The following RBFOX1 variants were observed in gnomAD, a reference collection of about 807,000 sequenced individuals.
RBFOX1 encodes the protein RNA binding protein fox-1 homolog 1.
RBFOX1 carries 8 observed loss-of-function variants against 57.7 expected under a neutral mutation model. That is an observed-to-expected ratio of 0.14 (90% CI 0.08 to 0.25). The LOEUF is 0.25. Ranked by LOEUF, RBFOX1 falls within the 10% of genes least tolerant of loss-of-function variation. The probability of loss-of-function intolerance (pLI) is 1.00; values close to 1 mark genes in which losing one functional copy is unlikely to be tolerated. For synonymous variants in RBFOX1, 326 were observed against 222.4 expected (o/e 1.47, Z -4.15); for missense variants, 611 against 548.5 (o/e 1.11, Z -1.14).
intron 3 of RBFOX1, among the ~76,000 whole-genome samples, chr16:6,884,870 C>G (rs552266921): frequency 1.3e-5 from 2 of 152,222 alleles, no homozygotes; most frequent in South Asian, 2.1e-4. Context: ...TGCACTCCAG[C>G]CTGCATGGCA....
chr16:6,430,774 A>G (rs565720282), intron 2 of RBFOX1, among the ~76,000 whole-genome samples: 1 of 152,114 alleles, frequency 6.6e-6, no homozygotes, highest in East Asian at 1.9e-4. Flanking sequence ...TAGAAAGGCC[A>G]CTCTGGCTGC....
At chr16:5,453,905 G>T (rs1425987695) in intron 1 of RBFOX1, among the ~76,000 whole-genome samples, 1 of 152,202 alleles carries the variant, frequency 6.6e-6, no homozygotes, top group East Asian at 1.9e-4. Context: ...TTTTGTTGGG[G>T]TGGTTGGTGA....
chr16:7,649,179 A>C (rs1276006086), intron 11 of RBFOX1, among the ~76,000 whole-genome samples: 1 of 152,192 alleles, frequency 6.6e-6, no homozygotes, highest in African/African-American at 2.4e-5. Flanking sequence ...GAGGAGGAGC[A>C]TGTCCACCCC....
chr16:7,284,479 C>A (rs892639797), intron 4 of RBFOX1, among the ~76,000 whole-genome samples: 1 of 151,854 alleles, frequency 6.6e-6, no homozygotes, highest in African/African-American at 2.4e-5. Flanking sequence ...CACAGGCACT[C>A]ACCACCACGC....
intron 4 of RBFOX1, among the ~76,000 whole-genome samples, chr16:7,072,656 A>G (rs1249500957): frequency 6.6e-6 from 1 of 152,232 alleles, no homozygotes; most frequent in East Asian, 1.9e-4. Context: ...ATTTCAGAGG[A>G]TCTTCTGTTT....
chr16:6,998,687 T>C (rs1016811855), intron 3 of RBFOX1, among the ~76,000 whole-genome samples: 2 of 152,202 alleles, frequency 1.3e-5, no homozygotes, highest in Non-Finnish European at 2.9e-5. Flanking sequence ...ATTCCAAGAA[T>C]GAAGGATGTT....
At chr16:5,346,248 TATAAG>T (rs1187916814) in intron 1 of RBFOX1, among the ~76,000 whole-genome samples, 1 of 152,160 alleles carries the variant, frequency 6.6e-6, no homozygotes, top group Non-Finnish European at 1.5e-5. Flanking sequence ...TATGCCCAGT[TATAAG>T]ACAGGGAATA....
chr16:5,967,911 A>G (rs1391415067), intron 4 of RBFOX1, among the ~76,000 whole-genome samples: 2 of 152,092 alleles, frequency 1.3e-5, no homozygotes, highest in African/African-American at 4.8e-5. Context: ...TATCCCTACC[A>G]TTCCTCTGTT....
chr16:6,535,635 A>G (rs540270211), intron 2 of RBFOX1, among the ~76,000 whole-genome samples: 14 of 152,206 alleles, frequency 9.2e-5, no homozygotes, highest in Admixed American at 2.6e-4. Flanking sequence ...GATCCCATCC[A>G]TCAACCGTTG....
At chr16:6,548,592 C>T (rs1168359632) in intron 2 of RBFOX1, among the ~76,000 whole-genome samples, 5 of 152,040 alleles carry the variant, frequency 3.3e-5, no homozygotes, top group African/African-American at 1.2e-4. Context: ...AAATAAAACA[C>T]GAATAAACTT....
At chr16:6,350,948 C>T (rs1232306503) in intron 2 of RBFOX1, among the ~76,000 whole-genome samples, 1 of 152,202 alleles carries the variant, frequency 6.6e-6, no homozygotes, top group South Asian at 2.1e-4. Flanking sequence ...CTGGTCCTCA[C>T]CACGAAATGC....
At chr16:6,818,635 T>C (rs2090641016) in intron 3 of RBFOX1, among the ~76,000 whole-genome samples, 1 of 152,176 alleles carries the variant, frequency 6.6e-6, no homozygotes, top group Non-Finnish European at 1.5e-5. Context: ...CTGTGATGAA[T>C]AGCTGCTATT....
intron 1 of RBFOX1, among the ~76,000 whole-genome samples, chr16:6,176,257 T>C (rs558850531): frequency 3.3e-4 from 50 of 151,026 alleles, no homozygotes; most frequent in Admixed American, 3.2e-3. Context: ...GTAATTCTCC[T>C]GCCTCAGCCT....
chr16:7,021,501 T>A (rs1352669393), intron 3 of RBFOX1, among the ~76,000 whole-genome samples: 1 of 145,924 alleles, frequency 6.9e-6, no homozygotes, highest in Admixed American at 6.9e-5. Flanking sequence ...TAATATTTTA[T>A]ATAAATATTA....
chr16:6,106,084 C>G (rs1009924689), intron 1 of RBFOX1, among the ~76,000 whole-genome samples: 6 of 151,974 alleles, frequency 3.9e-5, no homozygotes, highest in African/African-American at 1.5e-4. Flanking sequence ...TTCAATGGCT[C>G]TTAAAAGTAA....
At chr16:7,369,255 T>C (rs144617170) in intron 4 of RBFOX1, among the ~76,000 whole-genome samples, 23 of 151,646 alleles carry the variant, frequency 1.5e-4, no homozygotes, top group Admixed American at 4.6e-4. Flanking sequence ...AACCACGATG[T>C]TCCTGCAGCT....
At chr16:5,900,423 C>T (rs2058278967) in intron 4 of RBFOX1, among the ~76,000 whole-genome samples, 1 of 152,096 alleles carries the variant, frequency 6.6e-6, no homozygotes, top group Admixed American at 6.5e-5. Flanking sequence ...GAGAAAATTC[C>T]CCAAACAACT....
chr16:7,152,231 C>A (rs187154263), intron 4 of RBFOX1, among the ~76,000 whole-genome samples: 3 of 152,234 alleles, frequency 2.0e-5, no homozygotes, highest in Admixed American at 6.5e-5. Context: ...GCGTCCATAG[C>A]GGTAGCACAA....
At chr16:7,367,520 C>A (rs148057576) in intron 4 of RBFOX1, among the ~76,000 whole-genome samples, 1 of 152,146 alleles carries the variant, frequency 6.6e-6, no homozygotes, top group African/African-American at 2.4e-5. Flanking sequence ...CCTATATCAT[C>A]GTGAAACATC....
Sources: gnomAD v4.1 joint callset for allele counts (sites outside exome capture counted in the v4.1 genomes callset) on GRCh38, gnomAD v4.1.1 for gene constraint, MANE v1.5 for transcripts, NCBI Gene and HGNC (gene_info 2026-07-23, HGNC 2026-07-21) for gene names.